The following PTPRM variants were observed in gnomAD, a reference collection of about 807,000 sequenced individuals.
The protein encoded by PTPRM is protein tyrosine phosphatase receptor type M.
Under a neutral mutation model 186.7 loss-of-function variants are expected in PTPRM, and 47 were observed. The observed-to-expected ratio is 0.25, with a 90% confidence interval of 0.20 to 0.32. The LOEUF is 0.32. PTPRM is among the 10% of genes least tolerant of loss of function. The pLI is 1.00. For missense variants in PTPRM, 1,494 were observed against 1,865.0 expected (o/e 0.80, Z 3.66); for synonymous variants, 668 against 674.9 (o/e 0.99, Z 0.16).
At chr18:8,211,583 T>C (rs1315601754) in intron 14 of PTPRM, among the ~76,000 whole-genome samples, 1 of 151,698 alleles carries the variant, frequency 6.6e-6, no homozygotes, top group Non-Finnish European at 1.5e-5. Flanking sequence ...TTTTCTATCT[T>C]TAGTAGAGAC....
At position 7,842,945 on chromosome 18, in the gene PTPRM, T is replaced by G. The variant is rs545657384; in HGVS notation, c.197-45161T>G. On this transcript the variant is annotated intron_variant, in intron 2 of 32. Coordinates refer to ENST00000580170, the MANE Select transcript of PTPRM (RefSeq NM_001105244.2). ...GTGTGTGTGTGTATATATATATATATATAGAGAGAGAGAGAGAGAGAGAGA... is the reference window on the plus strand; with the variant it reads ...GTGTGTGTGTGTATATATATATATAGATAGAGAGAGAGAGAGAGAGAGAGA... Among the ~76,000 whole-genome samples the G allele has an allele frequency of 3.0e-3, 342 of 115,126 alleles. 1 individual carries two copies. Among genetic ancestry groups the G allele is most frequent in the Middle Eastern group, 8.4e-3 (2 of 238 alleles). 75.5% of individuals were successfully genotyped at this position (115,126 alleles called of 152,430 possible).
chr18:8,127,985 G>T (rs1490099003), intron 13 of PTPRM, among the ~76,000 whole-genome samples: 1 of 152,106 alleles, frequency 6.6e-6, no homozygotes, highest in Non-Finnish European at 1.5e-5. Context: ...TGTAATAGTG[G>T]TAAGTGGGTA....
At chr18:8,212,298 C>A (rs909731469) in intron 14 of PTPRM, among the ~76,000 whole-genome samples, 2 of 152,024 alleles carry the variant, frequency 1.3e-5, no homozygotes, top group African/African-American at 4.8e-5. Context: ...CAGTGCCACC[C>A]CAGAGGCGGC....
At chr18:7,835,195 T>C (rs1419719639) in intron 2 of PTPRM, among the ~76,000 whole-genome samples, 1 of 149,856 alleles carries the variant, frequency 6.7e-6, no homozygotes, top group Non-Finnish European at 1.5e-5. Flanking sequence ...TTTCTTTTTT[T>C]TTTTTTTTGT....
chr18:7,862,864 T>G (rs1016020457), intron 2 of PTPRM, among the ~76,000 whole-genome samples: 3 of 152,174 alleles, frequency 2.0e-5, no homozygotes, highest in African/African-American at 7.2e-5. Flanking sequence ...GCAAGTTACC[T>G]GGGGATGTCT....
At chr18:8,330,184 A>C (rs576291094) in intron 22 of PTPRM, among the ~76,000 whole-genome samples, 32 of 152,284 alleles carry the variant, frequency 2.1e-4, no homozygotes, top group African/African-American at 7.7e-4. Context: ...GCAGCCCTAG[A>C]ACCACTTTTC....
At chr18:8,299,593 A>C (rs1162468410) in intron 20 of PTPRM, among the ~76,000 whole-genome samples, 2 of 151,586 alleles carry the variant, frequency 1.3e-5, no homozygotes, top group Non-Finnish European at 2.9e-5. Context: ...GGTCTCAAAA[A>C]AACAAAAAAA....
intron 11 of PTPRM, among the ~76,000 whole-genome samples, chr18:8,095,693 G>A (rs557572604): frequency 7.8e-4 from 119 of 152,162 alleles, no homozygotes; most frequent in African/African-American, 2.7e-3. Context: ...TAACCCTGGC[G>A]GCATGGAGGA....
intron 20 of PTPRM, among the ~76,000 whole-genome samples, chr18:8,297,869 G>A (rs118177843): frequency 0.019 from 2,964 of 152,302 alleles, 33 homozygotes; most frequent in Non-Finnish European, 0.025. Flanking sequence ...TTTAGAGCGT[G>A]CTGTATTTAG....
At chr18:8,197,965 G>A (rs1026165245) in intron 14 of PTPRM, among the ~76,000 whole-genome samples, 3 of 152,118 alleles carry the variant, frequency 2.0e-5, no homozygotes, top group African/African-American at 7.2e-5. Flanking sequence ...TGGAGAAGGT[G>A]GGATGGAGTG....
In PTPRM at chr18:7,936,124, G is replaced by A. The variant is rs371691073; in HGVS notation, c.663+9441G>A. 1.2e-4 allele frequency among the ~76,000 whole-genome samples: 18 copies of A among 152,324 alleles called. No homozygotes were observed. The East Asian group carries it at 2.5e-3, about 21-fold the overall frequency. On this transcript the variant is annotated intron_variant, in intron 5 of 32. Transcript: ENST00000580170. ...TGGGGCTGGCGGGAACTGGGAACAG[G>A]TAGAAGCCCCACCCACTGCTGAGCT...
intron 23 of PTPRM, chr18:8,365,129 C>G (rs1054958756): frequency 1.3e-5 from 2 of 152,198 alleles, no homozygotes; most frequent in African/African-American, 2.4e-5. Flanking sequence ...TTCCAGAGGC[C>G]AAGCCTCCTG....
intron 22 of PTPRM, among the ~76,000 whole-genome samples, chr18:8,338,089 A>AG (rs2095450711): frequency 2.0e-5 from 3 of 151,886 alleles, no homozygotes; most frequent in Non-Finnish European, 4.4e-5. Flanking sequence ...AGGGGGACAG[A>AG]AATGGAGTGG....
At chr18:7,636,160 G>T (rs1053695285) in intron 1 of PTPRM, among the ~76,000 whole-genome samples, 14 of 151,668 alleles carry the variant, frequency 9.2e-5, no homozygotes, top group Admixed American at 9.2e-4. Context: ...CTGGCAGCCA[G>T]CCTGAATATG....
intron 7 of PTPRM, among the ~76,000 whole-genome samples, chr18:8,056,013 A>C (rs2087904090): frequency 6.6e-6 from 1 of 152,202 alleles, no homozygotes; most frequent in Admixed American, 6.5e-5. Flanking sequence ...AATTAAAAAA[A>C]TTGTCTTATA....
chr18:8,178,299 G>A (rs1034846829), intron 14 of PTPRM, among the ~76,000 whole-genome samples: 8 of 152,164 alleles, frequency 5.3e-5, no homozygotes, highest in East Asian at 1.9e-4. Flanking sequence ...GATGAGACTA[G>A]AATCTTTTAA....
intron 4 of PTPRM, among the ~76,000 whole-genome samples, chr18:7,926,196 A>G (rs980064115): frequency 2.4e-4 from 36 of 152,312 alleles, no homozygotes; most frequent in African/African-American, 7.2e-4. Context: ...TTGCTGGTAT[A>G]AATATCTAAT....
At chr18:7,670,550 G>A (rs2039196544) in intron 1 of PTPRM, among the ~76,000 whole-genome samples, 2 of 152,148 alleles carry the variant, frequency 1.3e-5, no homozygotes, top group African/African-American at 4.8e-5. Flanking sequence ...TAATTGATGA[G>A]TCAAGAAGTC....
chr18:8,117,501 C>G (rs750050820), intron 13 of PTPRM, among the ~76,000 whole-genome samples: 1 of 152,072 alleles, frequency 6.6e-6, no homozygotes, highest in Non-Finnish European at 1.5e-5. Flanking sequence ...ATATTTCATA[C>G]TATTTATAAA....
Sources: allele counts gnomAD v4.1 joint callset (sites outside exome capture counted in the v4.1 genomes callset), GRCh38; gene constraint gnomAD v4.1.1; transcripts MANE v1.5; gene names NCBI Gene and HGNC (gene_info 2026-07-23, HGNC 2026-07-21).